DNAJC13: variants seen among roughly 807,000 people sequenced by gnomAD.
DNAJC13 encodes DnaJ heat shock protein family (Hsp40) member C13.
Under a neutral mutation model 290.5 loss-of-function variants are expected in DNAJC13, and 75 were observed. The observed-to-expected ratio is 0.26, with a 90% CI of 0.21 to 0.31. The LOEUF is 0.31. Among genes scored for constraint, DNAJC13 ranks in the 10% least tolerant of loss-of-function variants. The pLI, the probability that DNAJC13 is intolerant of heterozygous loss-of-function variation, is 1.00. For synonymous variants in DNAJC13, 862 were observed against 892.0 expected (o/e 0.97, Z 0.60); for missense variants, 2,260 against 2,674.5 (o/e 0.85, Z 3.42).
chr3:132,499,894 C>A, intron 38 of DNAJC13, 86 bp downstream of exon 38: 1 of 1,268,958 alleles, frequency 7.9e-7, no homozygotes, highest in Non-Finnish European at 1.1e-6. Flanking sequence ...CTGGAGGGCT[C>A]ATTAAACTGT....
intron 6 of DNAJC13, among the ~76,000 whole-genome samples, chr3:132,451,810 A>G (rs183117061): frequency 6.6e-6 from 1 of 152,354 alleles, no homozygotes; most frequent in Non-Finnish European, 1.5e-5. Flanking sequence ...GAAATAAACA[A>G]TGATGGGGGC....
At chr3:132,461,596 G>C (rs769856394) in intron 15 of DNAJC13, among the ~76,000 whole-genome samples, 8 of 152,206 alleles carry the variant, frequency 5.3e-5, no homozygotes, top group Non-Finnish European at 1.0e-4. Flanking sequence ...TGAGTGTACA[G>C]ATTTCTTGGT....
At chr3:132,511,658 G>A (rs953368679) in intron 44 of DNAJC13, among the ~76,000 whole-genome samples, 2 of 152,070 alleles carry the variant, frequency 1.3e-5, no homozygotes, top group Admixed American at 6.6e-5. Context: ...TTCAAAAATT[G>A]CCTGAAGTTT....
chr3:132,502,511 T>C (rs764160854), intron 40 of DNAJC13, 43 bp downstream of exon 40: 1 of 1,525,816 alleles, frequency 6.6e-7, no homozygotes, highest in Non-Finnish European at 8.9e-7. Flanking sequence ...AACCCAAACC[T>C]TAGGTTGGTG....
intron 9 of DNAJC13, 119 bp from the exon 10 acceptor site, chr3:132,456,116 T>C (rs1347677190): frequency 8.5e-6 from 7 of 823,274 alleles, no homozygotes; most frequent in Non-Finnish European, 1.1e-5. Context: ...GTGTTTCCCA[T>C]TGTAACTGTA....
Position 132,523,561 on chromosome 3 carries a change from GTGT to G in DNAJC13, c.5910_5912del (p.Phe1971del). ...AAAGTTGCCTGAAGATTTTGCTGTG[GTGT>G]TTGGAGAAGCAGAGGGTGAACTTGC... On this transcript the variant is annotated inframe_deletion, in exon 51 of 56. Coordinates refer to ENST00000260818, the MANE Select transcript of DNAJC13 (RefSeq NM_015268.4). 1 of 1,613,622 alleles carries G rather than the reference GTGT, an allele frequency of 6.2e-7. No homozygotes were observed.
intron 32 of DNAJC13, among the ~76,000 whole-genome samples, chr3:132,491,788 C>T (rs1424315581): frequency 6.6e-6 from 1 of 152,108 alleles, no homozygotes; most frequent in African/African-American, 2.4e-5. Context: ...CACTCCATGC[C>T]ACCTGCTTGT....
intron 55 of DNAJC13, among the ~76,000 whole-genome samples, chr3:132,531,837 T>C (rs113210662): frequency 0.018 from 2,703 of 152,176 alleles, 84 homozygotes; most frequent in African/African-American, 0.056. Flanking sequence ...TCCAGTGATT[T>C]GTTTATGGTT....
intron 51 of DNAJC13, 29 bp from the exon 52 acceptor site, chr3:132,525,581 G>A: frequency 6.2e-7 from 1 of 1,608,202 alleles, no homozygotes; most frequent in Non-Finnish European, 8.5e-7. Flanking sequence ...GTATTTTATA[G>A]TTGATTTATT....
rs113878695 is a variant in DNAJC13, at chr3:132,489,878, G to A, written c.3468+857G>A. ...AAGTCTCTAATGATAGTACCTTCAT[G>A]TAGTATTAGACATTTGGGCATTCTT... On this transcript the variant is annotated intron_variant, in intron 31 of 55. Transcript: ENST00000260818. 6.1e-3 allele frequency among the ~76,000 whole-genome samples: 923 copies of A among 152,264 alleles called. 10 individuals are homozygous for A. The highest frequency in any genetic ancestry group is 0.029 in the East Asian group (151 of 5,182).
chr3:132,501,200 C>A (rs940619364), intron 39 of DNAJC13, among the ~76,000 whole-genome samples: 3 of 152,050 alleles, frequency 2.0e-5, no homozygotes, highest in Admixed American at 6.6e-5. Flanking sequence ...ATAAATAAGT[C>A]TTTTAAAAGC....
rs146992118 is a variant in DNAJC13, at chr3:132,454,437, G to A, written c.932+280G>A. On this transcript the variant is annotated intron_variant, in intron 9 of 55. Coordinates refer to ENST00000260818, the MANE Select transcript of DNAJC13 (RefSeq NM_015268.4). ...CCCGGGTTCAAGCAATTCTCCTGCC[G>A]CAGCCTCACAAGTAGCTGGGATTAC... Among the ~76,000 whole-genome samples, 10,504 of 148,186 alleles carry A rather than the reference G, an allele frequency of 0.071. 479 individuals are homozygous for A. The highest frequency in any genetic ancestry group is 0.11 in the Middle Eastern group (30 of 284).
At chr3:132,480,038 T>C (rs1934616231) in intron 25 of DNAJC13, among the ~76,000 whole-genome samples, 1 of 152,190 alleles carries the variant, frequency 6.6e-6, no homozygotes, top group African/African-American at 2.4e-5. Flanking sequence ...ATTTCTGATA[T>C]AGAATAATCT....
chr3:132,418,019 T>C (rs534101084), intron 1 of DNAJC13, among the ~76,000 whole-genome samples: 1 of 152,172 alleles, frequency 6.6e-6, no homozygotes, highest in East Asian at 1.9e-4. Context: ...GTTTTATACC[T>C]AGTACGCTCC....
intron 20 of DNAJC13, among the ~76,000 whole-genome samples, chr3:132,467,566 C>T (rs1003056670): frequency 9.2e-5 from 14 of 152,070 alleles, no homozygotes; most frequent in African/African-American, 3.1e-4. Flanking sequence ...CCTGGGTTCA[C>T]GCCATTCTCC....
At chr3:132,474,466 G>A (rs930916406) in intron 21 of DNAJC13, 10 of 152,150 alleles carry the variant, frequency 6.6e-5, no homozygotes, top group African/African-American at 2.2e-4. Context: ...GATCTCGAAC[G>A]CCTGACCTCA....
intron 42 of DNAJC13, 63 bp downstream of exon 42, chr3:132,505,478 C>A: frequency 2.8e-6 from 3 of 1,083,664 alleles, no homozygotes; most frequent in East Asian, 2.5e-5. Context: ...GGAAGTACAG[C>A]AGTATTGATT....
intron 55 of DNAJC13, among the ~76,000 whole-genome samples, chr3:132,531,310 A>G (rs1936407993): frequency 6.6e-6 from 1 of 152,218 alleles, no homozygotes; most frequent in Non-Finnish European, 1.5e-5. Flanking sequence ...TGACTAAAGC[A>G]TGTATTTTGT....
chr3:132,511,011 A>G (rs1206213555), intron 43 of DNAJC13, 56 bp from the exon 44 acceptor site: 59 of 1,569,832 alleles, frequency 3.8e-5, no homozygotes, highest in Non-Finnish European at 5.0e-5. Flanking sequence ...TTCTTTTGCT[A>G]TGGAGTTATT....
Sources: allele counts gnomAD v4.1 joint callset (sites outside exome capture counted in the v4.1 genomes callset), GRCh38; gene constraint gnomAD v4.1.1; transcripts MANE v1.5; gene names NCBI Gene and HGNC (gene_info 2026-07-23, HGNC 2026-07-21).